Variants in PSMD14 observed in about 807,000 individuals in gnomAD.
PSMD14 encodes ubiquitin C-terminal hydrolase PSMD14.
In PSMD14, 7 loss-of-function variants were observed where a neutral mutation model predicts 41.2. That is an observed-to-expected ratio of 0.17 (90% CI 0.10 to 0.32). PSMD14 has a LOEUF of 0.32. Among genes scored for constraint, PSMD14 ranks in the 10% least tolerant of loss-of-function variants. The pLI is 1.00. For missense variants in PSMD14, 139 were observed against 375.6 expected (o/e 0.37, Z 5.21); for synonymous variants, 114 against 122.3 (o/e 0.93, Z 0.45).
At chr2:161,308,812 T>C (rs527623037) in intron 1 of PSMD14, 1 of 152,712 alleles carries the variant, frequency 6.5e-6, no homozygotes, top group African/African-American at 2.4e-5. Flanking sequence ...CCTTTCTCCA[T>C]TCTTTTCTGT....
At chr2:161,392,108 T>A (rs1417950114) in intron 9 of PSMD14, among the ~76,000 whole-genome samples, 2 of 152,172 alleles carry the variant, frequency 1.3e-5, no homozygotes, top group African/African-American at 4.8e-5. Context: ...CTAGTACAGT[T>A]TTTCTCTCAA....
chr2:161,388,225 T>C (rs1014272953), intron 8 of PSMD14, among the ~76,000 whole-genome samples: 29 of 152,112 alleles, frequency 1.9e-4, no homozygotes, highest in African/African-American at 6.5e-4. Context: ...TTGAGTACAG[T>C]TGCATTGTTT....
Position 161,341,444 on chromosome 2 carries a change from A to C in PSMD14, c.48+22571A>C, listed in dbSNP as rs531214559. The C allele has an allele frequency of 1.4e-5, 5 of 365,500 alleles. No homozygotes were observed. The South Asian group carries it at 5.6e-4, about 41-fold the overall frequency. 22.6% of individuals were successfully genotyped at this position (365,500 alleles called of 1,614,324 possible). ...TGTTCTGAATAGAAGTTCTTTATCA[A>C]ATATATAATTCGCAGATATTTTCTC... On this transcript the variant is annotated intron_variant, in intron 3 of 11. Transcript: ENST00000409682.
chr2:161,322,599 G>T (rs1025269695), intron 3 of PSMD14, among the ~76,000 whole-genome samples: 1 of 151,864 alleles, frequency 6.6e-6, no homozygotes, highest in Non-Finnish European at 1.5e-5. Context: ...CAAGTTGGCC[G>T]GGCTGGTCTT....
At chr2:161,362,625 T>C (rs553152268) in intron 3 of PSMD14, among the ~76,000 whole-genome samples, 2 of 152,336 alleles carry the variant, frequency 1.3e-5, no homozygotes, top group East Asian at 3.9e-4. Flanking sequence ...AAATTGAGTA[T>C]AAAATTCTTT....
At chr2:161,377,358 G>A (rs1683517638) in intron 7 of PSMD14, among the ~76,000 whole-genome samples, 1 of 151,698 alleles carries the variant, frequency 6.6e-6, no homozygotes, top group South Asian at 2.1e-4. Context: ...AACAAGTTTT[G>A]TTACTGTATT....
intron 3 of PSMD14, among the ~76,000 whole-genome samples, chr2:161,343,054 T>C (rs1342979874): frequency 6.6e-6 from 1 of 152,226 alleles, no homozygotes; most frequent in East Asian, 1.9e-4. Flanking sequence ...AATAGTTGTC[T>C]TTTTTTAATT....
chr2:161,366,890 G>A (rs1012625197), intron 3 of PSMD14, among the ~76,000 whole-genome samples: 3 of 152,106 alleles, frequency 2.0e-5, no homozygotes, highest in African/African-American at 4.8e-5. Context: ...GTATTTTCAC[G>A]TCAGCTATAC....
chr2:161,341,031 G>A (rs1207136040), intron 3 of PSMD14: 2 of 1,606,096 alleles, frequency 1.2e-6, no homozygotes, highest in East Asian at 2.2e-5. Flanking sequence ...TGGCGCCGCC[G>A]CGGGATCCCC....
intron 8 of PSMD14, among the ~76,000 whole-genome samples, chr2:161,389,879 C>CTTTTTTTTTTTT (rs1470566207): frequency 5.2e-5 from 1 of 19,414 alleles, no homozygotes; most frequent in Non-Finnish European, 1.1e-4. Flanking sequence ...TATTTTCTTT[C>CTTTTTTTTTTTT]TTTTTTGTTG....
chr2:161,358,636 T>G (rs539286301), intron 3 of PSMD14, among the ~76,000 whole-genome samples: 1 of 152,310 alleles, frequency 6.6e-6, no homozygotes, highest in South Asian at 2.1e-4. Flanking sequence ...GTTTTTCTCC[T>G]TAAGTTTTTT....
At chr2:161,372,245 A>G (rs572992679) in intron 7 of PSMD14, among the ~76,000 whole-genome samples, 2 of 152,098 alleles carry the variant, frequency 1.3e-5, no homozygotes, top group Non-Finnish European at 2.9e-5. Flanking sequence ...AAATCACAAT[A>G]TATTTATGCA....
At chr2:161,395,055 T>C in intron 9 of PSMD14, 23 bp from the exon 10 acceptor site, 2 of 1,553,762 alleles carry the variant, frequency 1.3e-6, no homozygotes, top group Non-Finnish European at 1.7e-6. Flanking sequence ...AGAAAAAGAA[T>C]TACTTTTTCT....
chr2:161,341,080 GCTCC>G, intron 3 of PSMD14: 1 of 1,534,728 alleles, frequency 6.5e-7, no homozygotes, highest in South Asian at 1.2e-5. Context: ...GGCTCCCCGA[GCTCC>G]CCCAGCCCCG....
At chr2:161,402,613 C>G (rs1236925293) in intron 10 of PSMD14, among the ~76,000 whole-genome samples, 2 of 151,890 alleles carry the variant, frequency 1.3e-5, no homozygotes, top group African/African-American at 4.8e-5. Context: ...TGTACTTCAG[C>G]CTGGGCAACA....
intron 7 of PSMD14, among the ~76,000 whole-genome samples, chr2:161,373,219 GT>G (rs1025717697): frequency 6.6e-5 from 10 of 151,616 alleles, no homozygotes; most frequent in Admixed American, 2.6e-4. Context: ...GTTAAATTTA[GT>G]TTTTAAAAAA....
Position 161,395,166 on chromosome 2 carries a change from T to C in PSMD14, c.734T>C (p.Val245Ala), listed in dbSNP as rs1170428593. The change falls in exon 10 of 12, where the codon GTA becomes GCA. Residue 245 changes from valine (V) to alanine (A), a missense_variant. By Grantham distance (64) the Val-to-Ala change is moderately conservative. Around this residue, in one of 4 missense-constraint regions of PSMD14, gnomAD observed 80 missense variants for 138.1 expected, o/e 0.58. Transcript: ENST00000409682. Reference protein sequence around the residue: ...SEHCKHNESVVKEMLELAKNY... With the variant: ...SEHCKHNESVAKEMLELAKNY... Reference sequence around the variant, plus strand: ...CATTGTAAACACAATGAATCAGTGGTAAAAGAGATGTTGGAATTAGCCAAG... The same window carrying C: ...CATTGTAAACACAATGAATCAGTGGCAAAAGAGATGTTGGAATTAGCCAAG... The C allele has an allele frequency of 6.3e-7, 1 of 1,597,656 alleles. No homozygotes were observed. Among genetic ancestry groups the C allele is most frequent in the Non-Finnish European group, 8.5e-7 (1 of 1,171,462 alleles).
At chr2:161,359,424 TAA>T (rs2105251749) in intron 3 of PSMD14, among the ~76,000 whole-genome samples, 1 of 152,374 alleles carries the variant, frequency 6.6e-6, no homozygotes, top group South Asian at 2.1e-4. Flanking sequence ...CTGTGATTTT[TAA>T]AAAGTCTCAA....
chr2:161,326,189 C>A (rs1052984064), intron 3 of PSMD14, among the ~76,000 whole-genome samples: 20 of 152,098 alleles, frequency 1.3e-4, no homozygotes, highest in South Asian at 2.1e-4. Flanking sequence ...CACCACCACG[C>A]CCGGCTAATT....
Sources: gnomAD v4.1 joint callset for allele counts (sites outside exome capture counted in the v4.1 genomes callset) on GRCh38, gnomAD v4.1.1 for gene constraint, gnomAD v4.1.1 regional missense constraint, MANE v1.5 for transcripts, NCBI Gene and HGNC (gene_info 2026-07-23, HGNC 2026-07-21) for gene names.